Variants in ARB2A observed in about 807,000 individuals in gnomAD.
ARB2A encodes the protein ARB2 cotranscriptional regulator A.
the ARB2A span, among the ~76,000 whole-genome samples, chr5:93,819,587 T>C: frequency 1.3e-5 from 2 of 152,254 alleles, no homozygotes; most frequent in South Asian, 2.1e-4. Context: ...GCTGTTCTCA[T>C]TGATCACATT....
chr5:93,845,023 C>A, the ARB2A span, among the ~76,000 whole-genome samples: 4 of 152,166 alleles, frequency 2.6e-5, no homozygotes, highest in Non-Finnish European at 5.9e-5. Context: ...AAATACAGAG[C>A]AGAAAACTCC....
chr5:93,857,381 C>G, the ARB2A span, among the ~76,000 whole-genome samples: 1 of 152,162 alleles, frequency 6.6e-6, no homozygotes, highest in African/African-American at 2.4e-5. Flanking sequence ...GTGCCCTGCC[C>G]CCAGAGATGG....
chr5:93,819,113 G>A, the ARB2A span, among the ~76,000 whole-genome samples: 5 of 147,428 alleles, frequency 3.4e-5, no homozygotes, highest in African/African-American at 1.0e-4. Context: ...GTGAACCCGG[G>A]AGGCGGAGCT....
chr5:93,969,747 C>A, the ARB2A span, among the ~76,000 whole-genome samples: 1 of 152,068 alleles, frequency 6.6e-6, no homozygotes, highest in African/African-American at 2.4e-5. Context: ...ATTTATTAAG[C>A]ACTTACTATG....
chr5:93,789,752 T>C, the ARB2A span, among the ~76,000 whole-genome samples: 1 of 152,198 alleles, frequency 6.6e-6, no homozygotes, highest in Non-Finnish European at 1.5e-5. Context: ...GACTACTTTG[T>C]ATTATTTTTC....
chr5:94,065,271 TG>T, the ARB2A span, among the ~76,000 whole-genome samples: 1 of 152,146 alleles, frequency 6.6e-6, no homozygotes, highest in Non-Finnish European at 1.5e-5. Context: ...CTCAGCACTT[TG>T]GGGGGCTGAG....
the ARB2A span, among the ~76,000 whole-genome samples, chr5:93,864,436 G>C: frequency 6.6e-6 from 1 of 152,072 alleles, no homozygotes. Flanking sequence ...ACAATTTTAA[G>C]TATCATTGAT....
At chr5:93,656,288 G>A in the ARB2A span, among the ~76,000 whole-genome samples, 1 of 152,152 alleles carries the variant, frequency 6.6e-6, no homozygotes, top group Non-Finnish European at 1.5e-5. Flanking sequence ...TTAAAAAAAT[G>A]TAGGTGCTAA....
chr5:93,810,920 G>C, the ARB2A span, among the ~76,000 whole-genome samples: 1 of 152,054 alleles, frequency 6.6e-6, no homozygotes, highest in South Asian at 2.1e-4. Context: ...ACTGAGGTTA[G>C]TTTCCTCATA....
the ARB2A span, among the ~76,000 whole-genome samples, chr5:93,854,009 T>C: frequency 6.6e-6 from 1 of 152,170 alleles, no homozygotes; most frequent in Non-Finnish European, 1.5e-5. Context: ...TTTCTATTGA[T>C]TGGAGTAGTT....
chr5:93,667,566 C>T, the ARB2A span, among the ~76,000 whole-genome samples: 1 of 152,140 alleles, frequency 6.6e-6, no homozygotes, highest in Non-Finnish European at 1.5e-5. Context: ...AGTGATCCTC[C>T]AGTCTCAGCC....
At chr5:93,689,093 A>G in the ARB2A span, among the ~76,000 whole-genome samples, 9 of 152,176 alleles carry the variant, frequency 5.9e-5, 1 homozygote, top group Admixed American at 5.2e-4. Flanking sequence ...CTCTAGGGTT[A>G]TTTCTTTTTA....
the ARB2A span, among the ~76,000 whole-genome samples, chr5:93,916,587 T>G: frequency 1.5e-3 from 224 of 152,238 alleles, 7 homozygotes; most frequent in East Asian, 0.041. Context: ...ATAGTCACAT[T>G]TTGTTCCATC....
At chr5:93,934,596 G>A in the ARB2A span, among the ~76,000 whole-genome samples, 1 of 152,156 alleles carries the variant, frequency 6.6e-6, no homozygotes, top group African/African-American at 2.4e-5. Flanking sequence ...GGCCAATGAT[G>A]TATGAAGGGA....
chr5:93,719,985 T>C, the ARB2A span, among the ~76,000 whole-genome samples: 1 of 152,334 alleles, frequency 6.6e-6, no homozygotes, highest in Non-Finnish European at 1.5e-5. Context: ...TGCATCATTT[T>C]TGCTGTTTTC....
chr5:93,692,047 A>G, the ARB2A span, among the ~76,000 whole-genome samples: 1 of 152,186 alleles, frequency 6.6e-6, no homozygotes, highest in Non-Finnish European at 1.5e-5. Flanking sequence ...GAAAGGAAAA[A>G]CTGGTACCTA....
At chr5:93,889,308 A>G in the ARB2A span, among the ~76,000 whole-genome samples, 8 of 151,712 alleles carry the variant, frequency 5.3e-5, no homozygotes, top group Non-Finnish European at 1.2e-4. Flanking sequence ...GTTGTGTTGT[A>G]TACATTCACA....
the ARB2A span, among the ~76,000 whole-genome samples, chr5:93,654,794 C>T: frequency 6.6e-6 from 1 of 152,204 alleles, no homozygotes; most frequent in Admixed American, 6.5e-5. Context: ...ATTCTGAGAA[C>T]CATTTTTCCC....
the ARB2A span, among the ~76,000 whole-genome samples, chr5:93,800,801 T>C: frequency 6.6e-6 from 1 of 152,136 alleles, no homozygotes; most frequent in Non-Finnish European, 1.5e-5. Context: ...GTCACTTGAT[T>C]TTCAACTAGT....
Sources: allele counts gnomAD v4.1 joint callset (sites outside exome capture counted in the v4.1 genomes callset), GRCh38; gene constraint gnomAD v4.1.1; transcripts MANE v1.5; gene names NCBI Gene and HGNC (gene_info 2026-07-23, HGNC 2026-07-21).